Variants in AFAP1 observed in about 807,000 individuals in gnomAD.
AFAP1 encodes the protein actin filament-associated protein 1.
Under a neutral mutation model 93.9 loss-of-function variants are expected in AFAP1, and 75 were observed. That is an observed-to-expected ratio of 0.80 (90% confidence interval 0.66 to 0.97). The LOEUF (loss-of-function observed/expected upper bound fraction) is 0.97. AFAP1 is among the 50% of genes least tolerant of loss of function. AFAP1 has a pLI of 0.00. For missense variants in AFAP1, 1,201 were observed against 1,050.8 expected, an observed-to-expected ratio of 1.14 and a Z score of -1.98; for synonymous variants, 517 against 430.7, an observed-to-expected ratio of 1.20 and a Z score of -2.48.
intron 6 of AFAP1, among the ~76,000 whole-genome samples, chr4:7,829,837 A>G (rs1312682571): frequency 6.6e-6 from 1 of 152,262 alleles, no homozygotes; most frequent in African/African-American, 2.4e-5. Flanking sequence ...ACGAATGCTG[A>G]TAACCTTCAT....
rs969481220 is a variant in AFAP1 at position 7,827,922 on chromosome 4, T to C, written c.727-8751A>G. 2.0e-5 allele frequency among the ~76,000 whole-genome samples: 3 copies of C among 152,168 alleles called. No homozygotes were observed. The East Asian group carries it at 5.8e-4, about 29-fold the overall frequency. ...GTTGACTTCCAGAAGATTCGCTGTATAAAAAAAGGTTTCTTAAAATTTTGT... is the reference window on the plus strand; with the variant it reads ...GTTGACTTCCAGAAGATTCGCTGTACAAAAAAAGGTTTCTTAAAATTTTGT... On this transcript the variant is annotated intron_variant, in intron 6 of 17. Transcript: ENST00000420658.
At position 7,786,227 on chromosome 4, in the gene AFAP1, A is replaced by T. The variant is rs1304378835; in HGVS notation, c.1497T>A (p.Leu499=). ...TGATGCACGGGACATCGTCATAATG[A>T]AGTGCCGTCCCGCTGGGGTGGGCAT... ...NGYAHPSGTA[L]HYDDVPCING... The change falls in exon 12 of 18, where the codon CTT becomes CTA. Residue 499 remains leucine (L), a synonymous_variant. Coordinates refer to ENST00000420658, the MANE Select transcript of AFAP1 (RefSeq NM_001134647.2). 2.5e-6 allele frequency: 4 copies of T among 1,614,064 alleles called. No individual in the cohort carries two copies. In the Admixed American group the frequency reaches 6.7e-5, roughly 27 times the overall value.
At chr4:7,862,856 G>A (rs1053811195) in intron 3 of AFAP1, among the ~76,000 whole-genome samples, 12 of 152,242 alleles carry the variant, frequency 7.9e-5, no homozygotes, top group Admixed American at 5.2e-4. Flanking sequence ...GAGCCATGAA[G>A]ATCTGAGATA....
At position 7,901,016 on chromosome 4, in the gene AFAP1, T is replaced by G. The variant is rs375554674; in HGVS notation, c.-2-28936A>C. Among the ~76,000 whole-genome samples, 6 of 152,356 alleles carry G rather than the reference T, an allele frequency of 3.9e-5. No individual in the cohort carries two copies. The East Asian group carries it at 1.2e-3, about 29-fold the overall frequency. On this transcript the variant is annotated intron_variant, in intron 1 of 17. Coordinates refer to ENST00000420658, the MANE Select transcript of AFAP1 (RefSeq NM_001134647.2). The stretch of plus-strand genomic sequence containing the variant: ...GCTTTCCAATGCCTTCCTTCTGCGA[T>G]TCCAGCGCAGATTTTAGGACTGCTC...
chr4:7,827,037 G>A (rs1215154268), intron 6 of AFAP1, among the ~76,000 whole-genome samples: 1 of 152,162 alleles, frequency 6.6e-6, no homozygotes, highest in Non-Finnish European at 1.5e-5. Flanking sequence ...AGCAGAGATG[G>A]AAACGATTTA....
In AFAP1 at chr4:7,829,624, G is replaced by A. The variant is rs113976406; in HGVS notation, c.726+8900C>T. On this transcript the variant is annotated intron_variant, in intron 6 of 17. Coordinates refer to ENST00000420658, the MANE Select transcript of AFAP1 (RefSeq NM_001134647.2). ...TTAAACCCTATAAAAAATACTCAGT[G>A]TCATTCACAATAAGAGGAGTGCAGA... Among the ~76,000 whole-genome samples the A allele has an allele frequency of 1.9e-4, 29 of 152,344 alleles. 1 individual carries two copies. Among genetic ancestry groups the A allele is most frequent in the African/African-American group, 7.0e-4 (29 of 41,580 alleles).
chr4:7,931,194 T>A (rs1721043458), intron 1 of AFAP1, among the ~76,000 whole-genome samples: 1 of 152,150 alleles, frequency 6.6e-6, no homozygotes, highest in Admixed American at 6.5e-5. Context: ...AGCTAAAACA[T>A]AAACGCAGTA....
At chr4:7,868,049 T>C (rs962936926) in intron 3 of AFAP1, among the ~76,000 whole-genome samples, 2 of 150,746 alleles carry the variant, frequency 1.3e-5, no homozygotes, top group Non-Finnish European at 1.5e-5. Flanking sequence ...AAAAGCTGAA[T>C]GGTACATAAA....
intron 6 of AFAP1, among the ~76,000 whole-genome samples, chr4:7,824,572 T>C (rs1381096362): frequency 2.6e-5 from 4 of 152,220 alleles, no homozygotes; most frequent in African/African-American, 7.2e-5. Context: ...ACAGTTCTCA[T>C]GGTTTTTTTA....
chr4:7,907,981 G>A (rs1392261325), intron 1 of AFAP1, among the ~76,000 whole-genome samples: 2 of 152,182 alleles, frequency 1.3e-5, no homozygotes, highest in African/African-American at 2.4e-5. Flanking sequence ...GAAGGCTGAG[G>A]CGGGAGGATC....
At chr4:7,764,392 TAAA>T (rs141866612) in intron 17 of AFAP1, among the ~76,000 whole-genome samples, 3 of 148,072 alleles carry the variant, frequency 2.0e-5, no homozygotes, top group Admixed American at 2.0e-4. Flanking sequence ...TCAAAAAATA[TAAA>T]AAAAAAAGGA....
intron 4 of AFAP1, among the ~76,000 whole-genome samples, chr4:7,847,260 A>G (rs563358658): frequency 1.7e-4 from 25 of 150,504 alleles, no homozygotes; most frequent in African/African-American, 5.9e-4. Context: ...AGAACTCTCC[A>G]GAAAGTATGC....
chr4:7,761,287 AT>A lies in AFAP1; in HGVS notation c.*2477del, dbSNP rs1713755181. On this transcript the variant is annotated 3_prime_UTR_variant, in exon 18 of 18. Coordinates refer to ENST00000420658, the MANE Select transcript of AFAP1 (RefSeq NM_001134647.2). Reference sequence around the variant, plus strand: ...ACTGTCAGGCCCCTCCAGGGCACCCATTTTGAAAGGCTCCATGGACCACGAT... The same window carrying A: ...ACTGTCAGGCCCCTCCAGGGCACCCATTTGAAAGGCTCCATGGACCACGAT... 1 of 152,250 alleles carries A rather than the reference AT, an allele frequency of 6.6e-6. No individual in the cohort carries two copies. 9.4% of individuals were successfully genotyped at this position (152,250 alleles called of 1,614,324 possible).
At position 7,846,130 on chromosome 4, in the gene AFAP1, C is replaced by T. The variant is rs1418944120; in HGVS notation, c.335-2780G>A. ...GGGTCCTTTCAGCTTCTGGACAGGA[C>T]GTGAGCGAGGCCACAAAACGACGTC... On this transcript the variant is annotated intron_variant, in intron 4 of 17. Coordinates refer to ENST00000420658, the MANE Select transcript of AFAP1 (RefSeq NM_001134647.2). Among the ~76,000 whole-genome samples, 9 of 152,320 alleles carry T rather than the reference C, an allele frequency of 5.9e-5. No homozygotes were observed. In the South Asian group the frequency reaches 1.2e-3, roughly 21 times the overall value.
rs192505173 is a variant in AFAP1, at chr4:7,812,731, G to A, written c.905-2968C>T. 5.9e-5 allele frequency among the ~76,000 whole-genome samples: 9 copies of A among 152,338 alleles called. No homozygotes were observed. The East Asian group carries it at 1.4e-3, about 23-fold the overall frequency. ...AACGCCGGGCATTCTCTAAAACCAT[G>A]AGTATCATAAACCCAGAGAGTTTCC... is the stretch of plus-strand genomic sequence containing the variant. On this transcript the variant is annotated intron_variant, in intron 8 of 17. Coordinates refer to ENST00000420658, the MANE Select transcript of AFAP1 (RefSeq NM_001134647.2).
intron 1 of AFAP1, among the ~76,000 whole-genome samples, chr4:7,898,500 G>A (rs36046241): frequency 0.13 from 19,165 of 150,730 alleles, 1,407 homozygotes; most frequent in Non-Finnish European, 0.17. Flanking sequence ...AACATTTCAG[G>A]AAAAAAAAAT....
At position 7,843,326 on chromosome 4, in the gene AFAP1, C is replaced by T. The variant is rs772911590; in HGVS notation, c.359G>A (p.Ser120Asn). The change falls in exon 5 of 18, where the codon AGC becomes AAC. Residue 120 changes from serine to asparagine, a missense_variant. By Grantham distance (46) the Ser-to-Asn change is conservative. Transcript: ENST00000420658. The stretch of plus-strand genomic sequence containing the variant: ...CTCTTCATCATACGACTCATAAGAG[C>T]TGCTCATCGCATCGGAATCATAATC... The part of the protein sequence containing the change: ...TSNYDSDAMS[S>N]SYESYDEEEE... 6.2e-7 allele frequency: 1 copy of T among 1,613,908 alleles called. No homozygotes were observed. The highest frequency in any genetic ancestry group is 1.1e-5 in the South Asian group (1 of 91,008).
chr4:7,847,794 G>GGT (rs66685332), intron 4 of AFAP1, among the ~76,000 whole-genome samples: 47,778 of 94,720 alleles, frequency 0.5, 9,617 homozygotes, highest in Non-Finnish European at 0.58. Flanking sequence ...AGGGGTACTC[G>GGT]GGGTGGGGCA....
intron 1 of AFAP1, among the ~76,000 whole-genome samples, chr4:7,895,782 G>C (rs1350130347): frequency 6.6e-6 from 1 of 150,538 alleles, no homozygotes; most frequent in South Asian, 2.1e-4. Flanking sequence ...AGTGATCTTT[G>C]CTTCAAAAAA....
Sources: gnomAD v4.1 joint callset for allele counts (sites outside exome capture counted in the v4.1 genomes callset) on GRCh38, gnomAD v4.1.1 for gene constraint, MANE v1.5 for transcripts, NCBI Gene and HGNC (gene_info 2026-07-23, HGNC 2026-07-21) for gene names.